The following HIKESHI variants were observed in gnomAD, a reference collection of about 807,000 sequenced individuals.
HIKESHI encodes heat shock protein nuclear import factor hikeshi, also known as protein Hikeshi.
In HIKESHI, 13 loss-of-function variants were observed where a neutral mutation model predicts 25.7. That is an observed-to-expected ratio of 0.51 (90% CI 0.33 to 0.80). The LOEUF is 0.80. HIKESHI is among the 30% of genes least tolerant of loss of function. The pLI, the probability that HIKESHI is intolerant of heterozygous loss-of-function variation, is 0.02. For synonymous variants in HIKESHI, 76 were observed against 78.7 expected (o/e 0.97, Z 0.18); for missense variants, 174 against 229.5 (o/e 0.76, Z 1.56).
intron 2 of HIKESHI, among the ~76,000 whole-genome samples, chr11:86,325,866 C>T (rs530868487): frequency 1.2e-3 from 124 of 100,736 alleles, no homozygotes; most frequent in African/African-American, 4.1e-3. Flanking sequence ...ACCGAGACTC[C>T]GTCTCAGAAA....
At chr11:86,307,353 T>C (rs1040088869) in intron 2 of HIKESHI, among the ~76,000 whole-genome samples, 1 of 89,410 alleles carries the variant, frequency 1.1e-5, no homozygotes, top group African/African-American at 4.0e-5. Flanking sequence ...ATATCAAATA[T>C]ATATTATGTG....
At chr11:86,325,587 C>T (rs1281817320) in intron 2 of HIKESHI, among the ~76,000 whole-genome samples, 7 of 151,654 alleles carry the variant, frequency 4.6e-5, no homozygotes, top group Non-Finnish European at 2.9e-5. Flanking sequence ...AAAAGTGGCA[C>T]ATGTGGCCGG....
At chr11:86,316,817 A>C (rs1224175028) in intron 2 of HIKESHI, among the ~76,000 whole-genome samples, 6 of 68,512 alleles carry the variant, frequency 8.8e-5, no homozygotes, top group Admixed American at 2.2e-4. Context: ...TTTTTGAGAC[A>C]GAGTCTCGCT....
chr11:86,330,535 A>G (rs915594327), intron 2 of HIKESHI, among the ~76,000 whole-genome samples: 1 of 152,182 alleles, frequency 6.6e-6, no homozygotes, highest in African/African-American at 2.4e-5. Context: ...TTGAATAACA[A>G]GAAGCAAAAA....
intron 3 of HIKESHI, among the ~76,000 whole-genome samples, chr11:86,341,032 C>T (rs1384619369): frequency 6.6e-6 from 1 of 152,116 alleles, no homozygotes; most frequent in Admixed American, 6.6e-5. Context: ...TGATTTTCAA[C>T]TTCCCTCCCC....
intron 2 of HIKESHI, among the ~76,000 whole-genome samples, chr11:86,331,220 T>C (rs981594671): frequency 1.4e-4 from 21 of 152,194 alleles, no homozygotes; most frequent in Non-Finnish European, 1.5e-4. Flanking sequence ...CCAGGTGCAG[T>C]GGCTCACGCT....
intron 2 of HIKESHI, among the ~76,000 whole-genome samples, chr11:86,310,759 G>C (rs540266310): frequency 2.6e-5 from 4 of 152,276 alleles, no homozygotes; most frequent in African/African-American, 9.6e-5. Context: ...TTTATTGGGA[G>C]TTTTTAGCAT....
At chr11:86,343,759 A>G (rs1053030125) in intron 3 of HIKESHI, 14 of 152,232 alleles carry the variant, frequency 9.2e-5, no homozygotes, top group Non-Finnish European at 4.4e-5. Flanking sequence ...AAAAAACCTA[A>G]TAAGACCAAT....
At chr11:86,314,626 G>GA (rs1213643206) in intron 2 of HIKESHI, among the ~76,000 whole-genome samples, 7 of 150,538 alleles carry the variant, frequency 4.6e-5, no homozygotes, top group African/African-American at 9.7e-5. Context: ...ATCTCAAAAG[G>GA]AAAAAAAAGA....
intron 2 of HIKESHI, among the ~76,000 whole-genome samples, chr11:86,320,491 G>A (rs537944388): frequency 2.6e-5 from 4 of 152,212 alleles, no homozygotes; most frequent in Non-Finnish European, 5.9e-5. Context: ...CAGGAGAATC[G>A]TTTGAACCTG....
At chr11:86,319,242 A>ATTTTTTTTTT (rs1218981419) in intron 2 of HIKESHI, among the ~76,000 whole-genome samples, 96 of 94,932 alleles carry the variant, frequency 1.0e-3, no homozygotes, top group East Asian at 2.5e-3. Context: ...ATATATATAT[A>ATTTTTTTTTT]TTTTTTTTTT....
chr11:86,312,054 GT>G (rs1373234020), intron 2 of HIKESHI, among the ~76,000 whole-genome samples: 1 of 152,176 alleles, frequency 6.6e-6, no homozygotes, highest in East Asian at 1.9e-4. Flanking sequence ...GGTGTGGAGA[GT>G]TCTGTAGATG....
chr11:86,302,421 C>T lies in HIKESHI; in HGVS notation c.-28C>T. 2 of 1,551,892 alleles carry T rather than the reference C, an allele frequency of 1.3e-6. No homozygotes were observed. The highest frequency in any genetic ancestry group is 2.4e-5 in the South Asian group (2 of 84,080). ...ACTCCTAGTCGCCGGCTTCAGGTCACTGCCGGCTGAACGGAGCTGCCGTCG... is the reference window on the plus strand; with the variant it reads ...ACTCCTAGTCGCCGGCTTCAGGTCATTGCCGGCTGAACGGAGCTGCCGTCG... On this transcript the variant is annotated 5_prime_UTR_variant, in exon 1 of 5. Transcript: ENST00000278483.
chr11:86,328,245 AC>A (rs1275285362), intron 2 of HIKESHI, among the ~76,000 whole-genome samples: 1 of 151,926 alleles, frequency 6.6e-6, no homozygotes, highest in Non-Finnish European at 1.5e-5. Context: ...TAAGGAGAAA[AC>A]AACATTTACA....
intron 2 of HIKESHI, among the ~76,000 whole-genome samples, chr11:86,316,268 T>TG (rs1946975532): frequency 6.6e-6 from 1 of 151,970 alleles, no homozygotes; most frequent in Admixed American, 6.6e-5. Context: ...CCCAACACTT[T>TG]GGGAGGCCAA....
chr11:86,326,472 T>A, intron 2 of HIKESHI: 1 of 454,808 alleles, frequency 2.2e-6, no homozygotes, highest in Non-Finnish European at 4.4e-6. Context: ...AAAAATTTTC[T>A]GTTTATGTAG....
At chr11:86,303,895 A>G (rs559153078) in intron 1 of HIKESHI, among the ~76,000 whole-genome samples, 1 of 152,314 alleles carries the variant, frequency 6.6e-6, no homozygotes, top group South Asian at 2.1e-4. Context: ...CAGACTGTTC[A>G]GTACCTATAC....
chr11:86,307,382 A>AAAT (rs36133756), intron 2 of HIKESHI, among the ~76,000 whole-genome samples: 8,371 of 37,862 alleles, frequency 0.22, 3,031 homozygotes, highest in East Asian at 0.31. Flanking sequence ...ATTATATATC[A>AAAT]ATATATTATG....
intron 2 of HIKESHI, among the ~76,000 whole-genome samples, chr11:86,318,480 T>G (rs1050840519): frequency 6.6e-6 from 1 of 151,926 alleles, no homozygotes; most frequent in Non-Finnish European, 1.5e-5. Context: ...TTTCAGAGAA[T>G]AGAGAAAGAG....
Sources: allele counts gnomAD v4.1 joint callset (sites outside exome capture counted in the v4.1 genomes callset), GRCh38; gene constraint gnomAD v4.1.1; transcripts MANE v1.5; gene names NCBI Gene and HGNC (gene_info 2026-07-23, HGNC 2026-07-21).